Variants in PRCP observed in about 807,000 individuals in gnomAD.
PRCP encodes the protein prolylcarboxypeptidase.
Under a neutral mutation model 54.2 loss-of-function variants are expected in PRCP, and 46 were observed. That is an observed-to-expected ratio of 0.85 (90% CI 0.67 to 1.09). The LOEUF is 1.09. PRCP is among the 50% of genes least tolerant of loss of function. PRCP has a pLI of 0.00. For missense variants in PRCP, 613 were observed against 596.8 expected (o/e 1.03, Z -0.28); for synonymous variants, 240 against 212.2 (o/e 1.13, Z -1.14).
intron 1 of PRCP, among the ~76,000 whole-genome samples, chr11:82,868,404 T>C (rs1859392977): frequency 6.6e-6 from 1 of 152,160 alleles, no homozygotes; most frequent in African/African-American, 2.4e-5. Flanking sequence ...TAAGATACAA[T>C]TCCATTTCTC....
chr11:82,897,407 T>C (rs1404868424), intron 1 of PRCP, among the ~76,000 whole-genome samples: 1 of 152,216 alleles, frequency 6.6e-6, no homozygotes, highest in East Asian at 1.9e-4. Flanking sequence ...TGCTTTATAC[T>C]TTTTTATAGG....
intron 6 of PRCP, among the ~76,000 whole-genome samples, chr11:82,846,395 T>C (rs1260485747): frequency 6.6e-6 from 1 of 151,918 alleles, no homozygotes; most frequent in East Asian, 1.9e-4. Context: ...GGTAACTAAC[T>C]ATAGGATGAA....
At chr11:82,880,533 G>A (rs182796585) in intron 1 of PRCP, among the ~76,000 whole-genome samples, 181 of 152,272 alleles carry the variant, frequency 1.2e-3, no homozygotes, top group Admixed American at 3.7e-3. Context: ...TGCAACCACT[G>A]TCTGACAAGC....
intron 1 of PRCP, among the ~76,000 whole-genome samples, chr11:82,888,163 G>A (rs756035513): frequency 5.1e-4 from 77 of 152,242 alleles, no homozygotes; most frequent in African/African-American, 7.2e-4. Context: ...AAAAAGTATC[G>A]CACCTTTCTG....
intron 1 of PRCP, among the ~76,000 whole-genome samples, chr11:82,886,785 A>G (rs940369646): frequency 2.0e-5 from 3 of 152,294 alleles, no homozygotes; most frequent in South Asian, 4.1e-4. Context: ...GTAACTCCCT[A>G]CAGGGTAAAA....
intron 4 of PRCP, 101 bp downstream of exon 4, chr11:82,850,222 AC>A: frequency 2.6e-6 from 3 of 1,142,000 alleles, no homozygotes; most frequent in Non-Finnish European, 3.4e-6. Context: ...GAAGCCAGAA[AC>A]CTCAGGGTAA....
chr11:82,843,654 C>T lies in PRCP; in HGVS notation c.922-4229G>A, dbSNP rs75139897. On this transcript the variant is annotated intron_variant, in intron 6 of 8. Coordinates refer to ENST00000313010, the MANE Select transcript of PRCP (RefSeq NM_005040.4). ...TATTTATTTTGTGAGCCCTAGCAAA[C>T]GGCTTCTTCTAAACAATTTCTACAT... 7.4e-4 allele frequency among the ~76,000 whole-genome samples: 113 copies of T among 152,252 alleles called. No homozygotes were observed. The East Asian group carries it at 0.018, about 24-fold the overall frequency.
chr11:82,893,916 G>A (rs879824049), intron 1 of PRCP, among the ~76,000 whole-genome samples: 1 of 152,026 alleles, frequency 6.6e-6, no homozygotes, highest in African/African-American at 2.4e-5. Flanking sequence ...TAATATTTAC[G>A]GTATTTGAAG....
chr11:82,857,179 AG>A, intron 2 of PRCP, among the ~76,000 whole-genome samples: 1 of 152,284 alleles, frequency 6.6e-6, no homozygotes, highest in South Asian at 2.1e-4. Context: ...TAAACTCCCT[AG>A]GGGGTTTCAA....
chr11:82,877,126 T>C (rs1859623972), intron 1 of PRCP, among the ~76,000 whole-genome samples: 1 of 152,120 alleles, frequency 6.6e-6, no homozygotes, highest in African/African-American at 2.4e-5. Flanking sequence ...ACCCTAGAGA[T>C]TTGTGGAGCT....
chr11:82,837,537 CAAAT>C (rs1363014163), intron 8 of PRCP, among the ~76,000 whole-genome samples: 3 of 152,106 alleles, frequency 2.0e-5, no homozygotes, highest in Admixed American at 6.5e-5. Flanking sequence ...AAAACTAAAA[CAAAT>C]AAAAGAACTT....
chr11:82,882,868 C>CAT (rs1859783491), intron 1 of PRCP, among the ~76,000 whole-genome samples: 1 of 144,684 alleles, frequency 6.9e-6, no homozygotes, highest in Middle Eastern at 3.2e-3. Context: ...CACACACACA[C>CAT]ACACACAGCC....
chr11:82,854,588 T>C (rs571668246), intron 2 of PRCP, among the ~76,000 whole-genome samples: 106 of 152,130 alleles, frequency 7.0e-4, no homozygotes, highest in Middle Eastern at 3.4e-3. Context: ...CCCAAAGCAA[T>C]TTACAGATTC....
At chr11:82,864,761 TC>T (rs1423779763) in intron 1 of PRCP, among the ~76,000 whole-genome samples, 3 of 152,130 alleles carry the variant, frequency 2.0e-5, no homozygotes, top group Non-Finnish European at 4.4e-5. Flanking sequence ...CCAAGAAATT[TC>T]AAAACATGCT....
chr11:82,890,181 A>G (rs796492840), intron 1 of PRCP, among the ~76,000 whole-genome samples: 13 of 152,362 alleles, frequency 8.5e-5, no homozygotes, highest in African/African-American at 3.1e-4. Flanking sequence ...AAATGGCCTT[A>G]CAAAGTTAGA....
At chr11:82,826,993 C>T (rs1285283675) in intron 8 of PRCP, 1 of 152,160 alleles carries the variant, frequency 6.6e-6, no homozygotes, top group Non-Finnish European at 1.5e-5. Context: ...AGTACTCAGC[C>T]CATTGCAAGC....
intron 1 of PRCP, among the ~76,000 whole-genome samples, chr11:82,883,651 A>G (rs1859802516): frequency 6.6e-6 from 1 of 152,170 alleles, no homozygotes; most frequent in African/African-American, 2.4e-5. Flanking sequence ...AAAATAAAGC[A>G]CGTAAAAATA....
chr11:82,883,610 G>A (rs746240738), intron 1 of PRCP, among the ~76,000 whole-genome samples: 3 of 152,066 alleles, frequency 2.0e-5, no homozygotes, highest in Admixed American at 6.5e-5. Flanking sequence ...AAGATATCCC[G>A]GAAGGCAGGG....
chr11:82,843,635 T>C (rs1858728950), intron 6 of PRCP, among the ~76,000 whole-genome samples: 1 of 152,128 alleles, frequency 6.6e-6, no homozygotes, highest in African/African-American at 2.4e-5. Context: ...TTTCTATTTA[T>C]TTTGTGAGCC....
Sources: gnomAD v4.1 joint callset for allele counts (sites outside exome capture counted in the v4.1 genomes callset) on GRCh38, gnomAD v4.1.1 for gene constraint, MANE v1.5 for transcripts, NCBI Gene and HGNC (gene_info 2026-07-23, HGNC 2026-07-21) for gene names.